Variants in ZNF530 observed in about 807,000 individuals in gnomAD.
ZNF530 encodes zinc finger protein 530.
A neutral mutation model predicts 2.8 loss-of-function variants in ZNF530; 5 were observed. The observed-to-expected ratio is 1.80, with a 90% confidence interval of 0.94 to 3.78. The LOEUF is 3.78. ZNF530 is among the 30% of genes most tolerant of loss of function. The pLI is 0.00. For synonymous variants in ZNF530, 229 were observed against 235.0 expected, an observed-to-expected ratio of 0.97 and a Z score of 0.23; for missense variants, 619 against 673.3, an observed-to-expected ratio of 0.92 and a Z score of 0.89.
In ZNF530 at chr19:57,607,412, T is replaced by G; in HGVS notation, c.*87T>G. On this transcript the variant is annotated 3_prime_UTR_variant, in exon 4 of 4. Coordinates refer to ENST00000597700, the MANE Select transcript of ZNF530 (RefSeq NM_001321981.2). ...CAGGCTGGAGTGCAATTGTGCAATC[T>G]CAGCTCACTGCAACCTCCGCCTCCT... 7.4e-7 allele frequency: 1 copy of G among 1,344,212 alleles called. No individual in the cohort carries two copies. The highest frequency in any genetic ancestry group is 1.0e-6 in the Non-Finnish European group (1 of 999,320). The allele number at this position is 1,344,212 out of a possible 1,614,324, so 83.3% of individuals were successfully genotyped here.
intron 1 of ZNF530, 22 bp downstream of exon 1, chr19:57,600,156 C>A: frequency 6.4e-7 from 1 of 1,559,770 alleles, no homozygotes; most frequent in South Asian, 1.2e-5. Flanking sequence ...GTCCTCCCGG[C>A]CTCCTCTGCC....
At position 57,601,352 on chromosome 19, in the gene ZNF530, G is replaced by T. The variant is rs2023806; in HGVS notation, c.-70+573G>T. Among the ~76,000 whole-genome samples the T allele has an allele frequency of 7.7e-3, 1,171 of 152,326 alleles. 61 individuals carry two copies. The highest frequency in any genetic ancestry group is 0.067 in the Admixed American group (1,024 of 15,302). On this transcript the variant is annotated intron_variant, in intron 2 of 3. Transcript: ENST00000597700. ...GGCAGAAATGGTTGAATTTTGGATT[G>T]TAGGTCGGCTCTGATTTTCTGGTAT...
chr19:57,604,387 T>G lies in ZNF530; in HGVS notation c.42T>G (p.Phe14Leu). The change falls in exon 3 of 4, where the codon TTT becomes TTG. Residue 14 changes from phenylalanine to leucine, a missense_variant. Transcript: ENST00000597700. ...LLYRDVMLEN[F>L]AVMASLGCWC... ...ACCGCGATGTGATGCTGGAGAACTT[T>G]GCAGTTATGGCATCCCTAGGTAAGG... 6.2e-7 allele frequency: 1 copy of G among 1,613,900 alleles called. No homozygotes were observed. The highest frequency in any genetic ancestry group is 8.5e-7 in the Non-Finnish European group (1 of 1,179,846).
At chr19:57,612,551 C>G, downstream of ZNF530, 1 of 399,230 alleles carries the variant, frequency 2.5e-6, no homozygotes. Flanking sequence ...CATGGTGGCT[C>G]ACATCTGTAA....
At position 57,608,026 on chromosome 19, in the gene ZNF530, T is replaced by C. The variant is rs566788441; in HGVS notation, c.*701T>C. On this transcript the variant is annotated 3_prime_UTR_variant, in exon 4 of 4. Transcript: ENST00000597700. ...TCCATTAGTTGGAGGAAAGCACGAG[T>C]AGTCTAAGCTCTTAGGGGGGTTTCT... 1 of 152,570 alleles carries C rather than the reference T, an allele frequency of 6.6e-6. No homozygotes were observed. Among genetic ancestry groups the C allele is most frequent in the South Asian group, 2.1e-4 (1 of 4,828 alleles). 9.5% of individuals were successfully genotyped at this position (152,570 alleles called of 1,614,324 possible). A position where few individuals can be genotyped will look rare whatever the true frequency, so the allele number is the denominator to read the frequency against.
chr19:57,600,084 G>A lies in ZNF530; in HGVS notation c.-172G>A. ...CCGCCCGGATCGTCCACCGCTCCCG[G>A]CCCGCTCCGCCCAGAGTCCGATGGC... On this transcript the variant is annotated 5_prime_UTR_variant, in exon 1 of 4. Coordinates refer to ENST00000597700, the MANE Select transcript of ZNF530 (RefSeq NM_001321981.2). 1 of 1,546,858 alleles carries A rather than the reference G, an allele frequency of 6.5e-7. No individual in the cohort carries two copies. The highest frequency in any genetic ancestry group is 8.8e-7 in the Non-Finnish European group (1 of 1,142,570).
At chr19:57,605,118 G>A (rs1980434162) in intron 3 of ZNF530, 1 of 152,810 alleles carries the variant, frequency 6.5e-6, no homozygotes, top group Admixed American at 6.5e-5. Context: ...ATTGGGTGCT[G>A]ATTCCATAGG....
At chr19:57,612,385 C>T, downstream of ZNF530, 2 of 396,432 alleles carry the variant, frequency 5.0e-6, no homozygotes, top group South Asian at 1.4e-4. Context: ...GTCTGAAATA[C>T]AGTAGGTGTT....
At chr19:57,604,739 A>C in intron 3 of ZNF530, 1 of 194,226 alleles carries the variant, frequency 5.1e-6, no homozygotes, top group African/African-American at 2.4e-5. Flanking sequence ...CTAAAATCTC[A>C]AGCTGCCTGT....
chr19:57,601,437 T>A (rs1461203067), intron 2 of ZNF530, among the ~76,000 whole-genome samples: 1 of 152,218 alleles, frequency 6.6e-6, no homozygotes, highest in Non-Finnish European at 1.5e-5. Context: ...GCTGGAAGCA[T>A]AGAAGCTCCA....
rs1278354736 is a variant in ZNF530 at position 57,599,914 on chromosome 19, C to G, written c.-342C>G. 1.1e-5 allele frequency: 6 copies of G among 547,720 alleles called. No individual in the cohort carries two copies. The Admixed American group carries it at 1.9e-4, about 18-fold the overall frequency. 33.9% of individuals were successfully genotyped at this position (547,720 alleles called of 1,614,324 possible). On this transcript the variant is annotated 5_prime_UTR_variant, in exon 1 of 4. Transcript: ENST00000597700. ...CTTCCGGCGTCCTCCCTGTGGCGGGCACTTTGGCTTGTGTCAGTTCCATCC... is the reference window on the plus strand; with the variant it reads ...CTTCCGGCGTCCTCCCTGTGGCGGGGACTTTGGCTTGTGTCAGTTCCATCC...
At chr19:57,600,618 T>A (rs1435474490) in intron 1 of ZNF530, 110 bp from the exon 2 acceptor site, 1 of 156,264 alleles carries the variant, frequency 6.4e-6, no homozygotes, top group Non-Finnish European at 1.4e-5. Flanking sequence ...GACACCCAGA[T>A]ACAAAGCAGT....
rs749876405 is a variant in ZNF530 at position 57,606,404 on chromosome 19, G to T, written c.780G>T (p.Arg260Ser). ...TQHQRVHTGERPYDCSECGKS... is the reference protein window; with the variant it reads ...TQHQRVHTGESPYDCSECGKS... The stretch of plus-strand genomic sequence containing the variant: ...ACCAAAGAGTTCACACTGGAGAAAG[G>T]CCTTATGACTGCAGTGAATGTGGCA... The change falls in exon 4 of 4, where the codon AGG (arginine) becomes AGT (serine). Residue 260 changes from arginine to serine, a missense_variant. Coordinates refer to ENST00000597700, the MANE Select transcript of ZNF530 (RefSeq NM_001321981.2). 2.6e-5 allele frequency: 42 copies of T among 1,613,636 alleles called. No homozygotes were observed. The highest frequency in any genetic ancestry group is 2.2e-5 in the South Asian group (2 of 91,066).
In ZNF530 at chr19:57,606,792, A is replaced by G. The variant is rs769297085; in HGVS notation, c.1168A>G (p.Ile390Val). Residue 390 changes from isoleucine (I) to valine (V), a missense_variant, in exon 4 of 4, where the codon ATT becomes GTT. By Grantham distance (29) the Ile-to-Val change is conservative. Transcript: ENST00000597700. ...GKSFGQKSVL[I>V]QHQRVHTGER... is the part of the protein sequence containing the mutation. The stretch of plus-strand genomic sequence containing the variant: ...ATCATTTGGCCAGAAATCTGTCCTC[A>G]TTCAACACCAAAGAGTTCACACTGG... 12 of 1,613,434 alleles carry G rather than the reference A, an allele frequency of 7.4e-6. 1 individual carries two copies. In the South Asian group the frequency reaches 1.3e-4, roughly 18 times the overall value.
At position 57,606,845 on chromosome 19, in the gene ZNF530, T is replaced by TG. The variant is rs542801772; in HGVS notation, c.1224dup (p.Lys409GlufsTer4). On this transcript the variant is annotated frameshift_variant, in exon 4 of 4. Coordinates refer to ENST00000597700, the MANE Select transcript of ZNF530 (RefSeq NM_001321981.2). LOFTEE classifies it low-confidence loss of function (END_TRUNC). ...AAAGGCCTTATGAGTGCAGTGAATG[T>TG]GGGAAAGTTTTTAGCCAAAGCTCTG... The TG allele has an allele frequency of 4.2e-4, 679 of 1,614,076 alleles. No individual in the cohort carries two copies. The highest frequency in any genetic ancestry group is 5.2e-4 in the Non-Finnish European group (613 of 1,180,018).
At chr19:57,600,233 G>A in intron 1 of ZNF530, 99 bp downstream of exon 1, 1 of 1,332,948 alleles carries the variant, frequency 7.5e-7, no homozygotes, top group Non-Finnish European at 1.0e-6. Context: ...GTCCGGCACA[G>A]TGAGGCGCTG....
chr19:57,600,156 C>T, intron 1 of ZNF530, 22 bp downstream of exon 1: 1 of 1,559,770 alleles, frequency 6.4e-7, no homozygotes, highest in East Asian at 2.4e-5. Context: ...GTCCTCCCGG[C>T]CTCCTCTGCC....
chr19:57,605,528 C>A, intron 3 of ZNF530, 158 bp from the exon 4 acceptor site: 1 of 659,048 alleles, frequency 1.5e-6, no homozygotes, highest in Non-Finnish European at 2.5e-6. Context: ...CATAAGGCCT[C>A]CCTTGTTCTG....
In ZNF530 at chr19:57,604,364, C is replaced by G; in HGVS notation, c.19C>G (p.Arg7Gly). 1.2e-6 allele frequency: 2 copies of G among 1,614,004 alleles called. No individual in the cohort carries two copies. Among genetic ancestry groups the G allele is most frequent in the Non-Finnish European group, 1.7e-6 (2 of 1,179,942 alleles). Residue 7 changes from arginine to glycine, a missense_variant, in exon 3 of 4, where the codon CGC (arginine) becomes GGC (glycine). Physicochemically the swap from Arg to Gly is moderately radical, Grantham distance 125 (BLOSUM62 -2). Transcript: ENST00000597700. The part of the protein sequence containing the change: MQRLLY[R>G]DVMLENFAVM... Reference sequence around the variant, plus strand: ...TGATGAGATGCAGAGGCTCCTGTACCGCGATGTGATGCTGGAGAACTTTGC... The same window carrying G: ...TGATGAGATGCAGAGGCTCCTGTACGGCGATGTGATGCTGGAGAACTTTGC...
Sources: allele counts gnomAD v4.1 joint callset (sites outside exome capture counted in the v4.1 genomes callset), GRCh38; gene constraint gnomAD v4.1.1; transcripts MANE v1.5; gene names NCBI Gene and HGNC (gene_info 2026-07-23, HGNC 2026-07-21).